The following CCDC149 variants were observed in gnomAD, a reference collection of about 807,000 sequenced individuals.
The protein encoded by CCDC149 is coiled-coil domain-containing protein 149.
In CCDC149, 45 loss-of-function variants were observed where a neutral mutation model predicts 59.9. The observed-to-expected ratio is 0.75, with a 90% confidence interval of 0.59 to 0.96. The LOEUF is 0.96. Ranked by LOEUF, CCDC149 falls within the 40% of genes least tolerant of loss-of-function variation. CCDC149 has a pLI of 0.00. For synonymous variants in CCDC149, 245 were observed against 260.6 expected, an observed-to-expected ratio of 0.94 and a Z score of 0.58; for missense variants, 584 against 664.7, an observed-to-expected ratio of 0.88 and a Z score of 1.33.
At chr4:24,885,216 C>T (rs972028861) in intron 1 of CCDC149, among the ~76,000 whole-genome samples, 27 of 152,190 alleles carry the variant, frequency 1.8e-4, no homozygotes, top group African/African-American at 5.3e-4. Flanking sequence ...TCAGGAGCTC[C>T]GAGGGGCTTT....
In CCDC149 at chr4:24,912,862, C is replaced by G. The variant is rs1170149344; in HGVS notation, c.18G>C (p.Met6Ile). 1 of 1,377,804 alleles carries G rather than the reference C, an allele frequency of 7.3e-7. No individual in the cohort carries two copies. Among genetic ancestry groups the G allele is most frequent in the African/African-American group, 1.5e-5 (1 of 65,540 alleles). 85.3% of individuals were successfully genotyped at this position (1,377,804 alleles called of 1,614,324 possible). The change falls in exon 1 of 13, where the codon ATG (methionine) becomes ATC (isoleucine). Residue 6 changes from methionine to isoleucine, a missense_variant. Physicochemically the swap from Met to Ile is conservative, Grantham distance 10. Coordinates refer to ENST00000635206, the MANE Select transcript of CCDC149 (RefSeq NM_001330643.2). ...AGTCGCTCTCAGTCCGGTCGCCGTT[C>G]ATGGCCTCCTCCTCCATGCGCTGGC...
rs574948043 is a variant in CCDC149 at position 24,819,924 on chromosome 4, C to T, written c.1127G>A (p.Arg376Lys). The T allele has an allele frequency of 7.1e-6, 11 of 1,551,490 alleles. No individual in the cohort carries two copies. The South Asian group carries it at 8.3e-5, about 12-fold the overall frequency. ...AAACTTCAGCAGTGGGGATCTCGAC[C>T]TCTGTCCACTAGGAAGAGTGGGGTC... Residue 376 changes from arginine (R) to lysine (K), a missense_variant, in exon 12 of 13, where the codon AGG becomes AAG. Physicochemically the swap from Arg to Lys is conservative, Grantham distance 26 (BLOSUM62 2). Transcript: ENST00000635206.
At chr4:24,874,038 T>C (rs1054114087) in intron 2 of CCDC149, among the ~76,000 whole-genome samples, 6 of 152,164 alleles carry the variant, frequency 3.9e-5, no homozygotes, top group Admixed American at 6.5e-5. Flanking sequence ...ATATTTCATT[T>C]GGTTTGAGTT....
intron 3 of CCDC149, among the ~76,000 whole-genome samples, chr4:24,856,008 T>C (rs1377972229): frequency 6.6e-6 from 1 of 152,232 alleles, no homozygotes; most frequent in African/African-American, 2.4e-5. Context: ...ACATAGTTAT[T>C]TGATCTTTAA....
intron 1 of CCDC149, among the ~76,000 whole-genome samples, chr4:24,898,509 A>G (rs1720977054): frequency 2.6e-5 from 4 of 152,158 alleles, no homozygotes; most frequent in Admixed American, 2.6e-4. Context: ...TCTGGAGGAG[A>G]GACTAGAAGT....
intron 3 of CCDC149, among the ~76,000 whole-genome samples, chr4:24,854,351 C>T (rs1349131774): frequency 6.6e-6 from 1 of 152,224 alleles, no homozygotes; most frequent in African/African-American, 2.4e-5. Context: ...TCTGCTTCCT[C>T]TGCTTCCATG....
intron 10 of CCDC149, among the ~76,000 whole-genome samples, chr4:24,821,328 C>T (rs529892562): frequency 3.9e-5 from 6 of 152,106 alleles, no homozygotes; most frequent in Admixed American, 3.9e-4. Context: ...TACAAATACA[C>T]GATCAATTTG....
intron 1 of CCDC149, among the ~76,000 whole-genome samples, chr4:24,943,948 G>T (rs1450148795): frequency 6.6e-6 from 1 of 152,186 alleles, no homozygotes; most frequent in African/African-American, 2.4e-5. Flanking sequence ...TTACACTGTT[G>T]GCGGGACTGT....
At chr4:24,911,182 G>A (rs775907417) in intron 1 of CCDC149, among the ~76,000 whole-genome samples, 2 of 152,180 alleles carry the variant, frequency 1.3e-5, no homozygotes, top group Non-Finnish European at 2.9e-5. Context: ...GGCCTAGTGA[G>A]GAAGCCTATT....
chr4:24,808,818 C>T lies in CCDC149; in HGVS notation c.1194G>A (p.Gly398=). ...CATCTTCTTCTTGCTTCTGAGCCTCCCCTGAAAACAGAACGAGGACAACAT... is the reference window on the plus strand; with the variant it reads ...CATCTTCTTCTTGCTTCTGAGCCTCTCCTGAAAACAGAACGAGGACAACAT... Residue 398 remains glycine (G), a splice_region_variant and synonymous_variant, in exon 13 of 13, where the codon GGG becomes GGA. Coordinates refer to ENST00000635206, the MANE Select transcript of CCDC149 (RefSeq NM_001330643.2). 4 of 1,544,510 alleles carry T rather than the reference C, an allele frequency of 2.6e-6. No homozygotes were observed. The highest frequency in any genetic ancestry group is 3.5e-6 in the Non-Finnish European group (4 of 1,144,160).
chr4:24,861,442 CA>C (rs1718379566), intron 3 of CCDC149, among the ~76,000 whole-genome samples: 1 of 151,974 alleles, frequency 6.6e-6, no homozygotes, highest in Non-Finnish European at 1.5e-5. Context: ...TATGAGGACA[CA>C]AAGGCATAAG....
At chr4:24,904,153 C>T (rs1161392147) in intron 1 of CCDC149, among the ~76,000 whole-genome samples, 4 of 152,172 alleles carry the variant, frequency 2.6e-5, no homozygotes, top group Non-Finnish European at 5.9e-5. Flanking sequence ...GTGATGGTTA[C>T]ACCAGTGTAT....
chr4:24,931,790 A>C (rs868449884), intron 1 of CCDC149, among the ~76,000 whole-genome samples: 1 of 120,480 alleles, frequency 8.3e-6, no homozygotes, highest in Non-Finnish European at 1.7e-5. Context: ...TTCTGGCAGC[A>C]CTGTAATATG....
At chr4:24,902,321 C>T (rs1287614681) in intron 1 of CCDC149, among the ~76,000 whole-genome samples, 1 of 152,156 alleles carries the variant, frequency 6.6e-6, no homozygotes, top group Non-Finnish European at 1.5e-5. Flanking sequence ...CAGTGGAAAC[C>T]AACCTACCCC....
chr4:24,823,736 A>C (rs1349083216), intron 9 of CCDC149, among the ~76,000 whole-genome samples: 1 of 152,192 alleles, frequency 6.6e-6, no homozygotes, highest in Admixed American at 6.5e-5. Flanking sequence ...TACCATCTTA[A>C]TTAATATTCC....
chr4:24,874,244 G>GTTTTTTTTT lies in CCDC149; in HGVS notation c.226-534_226-526dup, dbSNP rs5856868. 8.0e-4 allele frequency among the ~76,000 whole-genome samples: 70 copies of GTTTTTTTTT among 87,484 alleles called. 13 individuals are homozygous for GTTTTTTTTT. The highest frequency in any genetic ancestry group is 3.5e-3 in the African/African-American group (60 of 17,170). 57.4% of individuals were successfully genotyped at this position (87,484 alleles called of 152,430 possible). ...GAGAACTTCTAGTCCTATTAGATTT[G>GTTTTTTTTT]TTTTTTTTTTTTTTTGTTTTGTTTT... On this transcript the variant is annotated intron_variant, in intron 2 of 12. Transcript: ENST00000635206.
At chr4:24,900,622 T>C (rs1721111176) in intron 1 of CCDC149, among the ~76,000 whole-genome samples, 3 of 152,202 alleles carry the variant, frequency 2.0e-5, no homozygotes, top group East Asian at 1.9e-4. Flanking sequence ...TGTCAACTTA[T>C]ACAGGAGTTA....
At chr4:24,922,329 G>T (rs1722317818) in intron 1 of CCDC149, among the ~76,000 whole-genome samples, 1 of 152,110 alleles carries the variant, frequency 6.6e-6, no homozygotes, top group African/African-American at 2.4e-5. Context: ...ACTTTGTGTA[G>T]GTCCACTAGG....
chr4:24,813,489 A>AATATATAT (rs57650226), intron 12 of CCDC149, among the ~76,000 whole-genome samples: 1,518 of 113,410 alleles, frequency 0.013, 8 homozygotes, highest in Non-Finnish European at 0.018. Flanking sequence ...CAGCTTGGGG[A>AATATATAT]ATATATATAT....
Sources: gnomAD v4.1 joint callset for allele counts (sites outside exome capture counted in the v4.1 genomes callset) on GRCh38, gnomAD v4.1.1 for gene constraint, MANE v1.5 for transcripts, NCBI Gene and HGNC (gene_info 2026-07-23, HGNC 2026-07-21) for gene names.